The following DPY19L1 variants were observed in gnomAD, a reference collection of about 807,000 sequenced individuals.
DPY19L1 encodes the protein protein C-mannosyl-transferase DPY19L1.
Under a neutral mutation model 96.9 loss-of-function variants are expected in DPY19L1, and 35 were observed. That is an observed-to-expected ratio of 0.36 (90% confidence interval 0.28 to 0.48). The LOEUF is 0.48. Among genes scored for constraint, DPY19L1 ranks in the 20% least tolerant of loss-of-function variants. The pLI is 0.99. For missense variants in DPY19L1, 521 were observed against 777.9 expected (o/e 0.67, Z 3.93); for synonymous variants, 205 against 252.6 (o/e 0.81, Z 1.79).
chr7:34,954,655 A>T (rs994018211), intron 13 of DPY19L1, 43 bp downstream of exon 13: 14 of 1,194,118 alleles, frequency 1.2e-5, no homozygotes, highest in African/African-American at 1.5e-5. Flanking sequence ...AGCCTATTCG[A>T]TTCTTTTCAA....
rs542387683 is a variant in DPY19L1 at position 34,935,845 on chromosome 7, C to T, written c.2090+2149G>A. On this transcript the variant is annotated intron_variant, in intron 21 of 21. Transcript: ENST00000638088. ...GTCATTCTTCACTTTCCTCTCCTAT[C>T]TGAACTCCCCATTTGCTTCCCTGTC... Among the ~76,000 whole-genome samples, 979 of 152,304 alleles carry T rather than the reference C, an allele frequency of 6.4e-3. 8 individuals carry two copies. Among genetic ancestry groups the T allele is most frequent in the African/African-American group, 0.022 (931 of 41,548 alleles).
intron 7 of DPY19L1, among the ~76,000 whole-genome samples, chr7:34,981,316 T>C (rs945005122): frequency 1.3e-5 from 2 of 152,202 alleles, no homozygotes; most frequent in African/African-American, 2.4e-5. Context: ...TTTATCTTTA[T>C]AGAACACCAT....
chr7:34,967,510 C>T (rs563902954), intron 9 of DPY19L1, among the ~76,000 whole-genome samples: 27 of 152,128 alleles, frequency 1.8e-4, no homozygotes, highest in Non-Finnish European at 2.9e-4. Flanking sequence ...AGAGTACTTT[C>T]GCTGCAAAGG....
intron 1 of DPY19L1, among the ~76,000 whole-genome samples, 168 bp downstream of exon 1, chr7:35,036,929 T>C (rs754935670): frequency 4.6e-4 from 67 of 146,886 alleles, no homozygotes; most frequent in Non-Finnish European, 8.4e-4. Context: ...AAGGTAAGAA[T>C]GTCCCAGAGA....
intron 7 of DPY19L1, among the ~76,000 whole-genome samples, chr7:34,982,594 C>T (rs1784963715): frequency 1.3e-5 from 2 of 152,216 alleles, no homozygotes. Context: ...AGTGAAGATA[C>T]AGAACAGCTG....
chr7:35,032,963 TG>T (rs2128684290), intron 1 of DPY19L1, among the ~76,000 whole-genome samples: 1 of 152,306 alleles, frequency 6.6e-6, no homozygotes, highest in Admixed American at 6.5e-5. Flanking sequence ...AGCCTCCTCA[TG>T]GGTCTCTCCA....
chr7:34,998,640 A>G (rs1785350723), intron 6 of DPY19L1, among the ~76,000 whole-genome samples: 2 of 152,206 alleles, frequency 1.3e-5, no homozygotes, highest in South Asian at 4.1e-4. Context: ...CGAAAAAGCA[A>G]CAAGATGAAA....
At chr7:34,951,101 CA>C (rs1784258626) in intron 13 of DPY19L1, among the ~76,000 whole-genome samples, 1 of 151,724 alleles carries the variant, frequency 6.6e-6, no homozygotes, top group Non-Finnish European at 1.5e-5. Flanking sequence ...GTAAAATTAA[CA>C]AAAAAGCAAG....
intron 6 of DPY19L1, among the ~76,000 whole-genome samples, chr7:35,009,986 T>C (rs374029790): frequency 2.0e-5 from 3 of 152,262 alleles, no homozygotes; most frequent in African/African-American, 7.2e-5. Context: ...TCCCAGCACT[T>C]TGGAAGCTGA....
chr7:34,943,553 T>C (rs549951256), intron 16 of DPY19L1, among the ~76,000 whole-genome samples: 9 of 152,226 alleles, frequency 5.9e-5, no homozygotes, highest in Admixed American at 1.3e-4. Flanking sequence ...TTGGCATTCA[T>C]GTCTTTGATA....
intron 1 of DPY19L1, among the ~76,000 whole-genome samples, chr7:35,033,916 G>GT (rs1448288860): frequency 3.3e-5 from 5 of 152,024 alleles, no homozygotes; most frequent in African/African-American, 1.2e-4. Flanking sequence ...CATCTAGTAG[G>GT]TGGAGGCCAA....
In DPY19L1 at chr7:35,014,495, G is replaced by A. The variant is rs561190963; in HGVS notation, c.412-790C>T. ...CAAGATAAATCTACGTCTTGTATTT[G>A]CATCTTCAGTTTTCCCTGGAGCTGC... On this transcript the variant is annotated intron_variant, in intron 3 of 21. Coordinates refer to ENST00000638088, the MANE Select transcript of DPY19L1 (RefSeq NM_001366673.1). Among the ~76,000 whole-genome samples, 7 of 152,214 alleles carry A rather than the reference G, an allele frequency of 4.6e-5. No individual in the cohort carries two copies. In the East Asian group the frequency reaches 1.4e-3, roughly 29 times the overall value.
intron 21 of DPY19L1, among the ~76,000 whole-genome samples, chr7:34,934,255 G>A (rs1231734598): frequency 3.9e-5 from 6 of 152,088 alleles, no homozygotes; most frequent in Non-Finnish European, 8.8e-5. Context: ...GACCCACCGC[G>A]CCCGGCCACA....
At chr7:34,970,041 T>G (rs1456167677) in intron 8 of DPY19L1, among the ~76,000 whole-genome samples, 1 of 152,194 alleles carries the variant, frequency 6.6e-6, no homozygotes, top group Admixed American at 6.5e-5. Flanking sequence ...GGAAAAGATA[T>G]GGGGTCCATT....
chr7:35,024,937 T>G (rs917546804), intron 1 of DPY19L1, among the ~76,000 whole-genome samples: 1 of 152,206 alleles, frequency 6.6e-6, no homozygotes. Context: ...ACATTACTAT[T>G]AACTACAACC....
chr7:34,977,476 C>A (rs12666623), intron 7 of DPY19L1, among the ~76,000 whole-genome samples: 29,832 of 152,044 alleles, frequency 0.2, 3,296 homozygotes, highest in Admixed American at 0.35. Flanking sequence ...ACAAGAAAAC[C>A]CAATTACAGG....
chr7:34,981,018 G>T (rs1447540661), intron 7 of DPY19L1, among the ~76,000 whole-genome samples: 1 of 152,152 alleles, frequency 6.6e-6, no homozygotes. Flanking sequence ...GATGGGGAGG[G>T]ATACAGATTG....
chr7:34,937,387 T>C (rs1246729015), intron 21 of DPY19L1, among the ~76,000 whole-genome samples: 1 of 152,180 alleles, frequency 6.6e-6, no homozygotes, highest in Non-Finnish European at 1.5e-5. Context: ...CCCCTGGTGC[T>C]CAGCTGCCTG....
intron 8 of DPY19L1, among the ~76,000 whole-genome samples, chr7:34,970,455 G>A (rs449823): frequency 0.037 from 5,585 of 152,240 alleles, 199 homozygotes; most frequent in African/African-American, 0.089. Context: ...TCAGCAGAGT[G>A]AAACAGAATA....
Sources: gnomAD v4.1 joint callset for allele counts (sites outside exome capture counted in the v4.1 genomes callset) on GRCh38, gnomAD v4.1.1 for gene constraint, MANE v1.5 for transcripts, NCBI Gene and HGNC (gene_info 2026-07-23, HGNC 2026-07-21) for gene names.